The following PCDHGB1 variants were observed in gnomAD, a reference collection of about 807,000 sequenced individuals.
PCDHGB1 encodes protocadherin gamma-B1.
In PCDHGB1, 34 loss-of-function variants were observed where a neutral mutation model predicts 56.6. The observed-to-expected ratio is 0.60, with a 90% CI of 0.46 to 0.80. The LOEUF (loss-of-function observed/expected upper bound fraction) is 0.80. Among genes scored for constraint, PCDHGB1 ranks in the 30% least tolerant of loss-of-function variants. The pLI, the probability that PCDHGB1 is intolerant of heterozygous loss-of-function variation, is 0.00. For missense variants in PCDHGB1, 1,278 were observed against 1,204.6 expected, an observed-to-expected ratio of 1.06 and a Z score of -0.90; for synonymous variants, 561 against 505.9, an observed-to-expected ratio of 1.11 and a Z score of -1.46.
At chr5:141,438,136 A>C (rs2097931548) in intron 1 of PCDHGB1, among the ~76,000 whole-genome samples, 1 of 152,186 alleles carries the variant, frequency 6.6e-6, no homozygotes, top group Non-Finnish European at 1.5e-5. Flanking sequence ...TAATGGCAAA[A>C]GATAGCCAGC....
chr5:141,418,954 T>C (rs1490406390), intron 1 of PCDHGB1: 2 of 1,613,914 alleles, frequency 1.2e-6, no homozygotes, highest in Admixed American at 1.7e-5. Flanking sequence ...CAGGAGTGGT[T>C]GTTGCCCTCT....
intron 1 of PCDHGB1, chr5:141,418,954 T>G (rs1490406390): frequency 6.2e-7 from 1 of 1,613,914 alleles, no homozygotes; most frequent in East Asian, 2.2e-5. Flanking sequence ...CAGGAGTGGT[T>G]GTTGCCCTCT....
chr5:141,366,058 G>T, intron 1 of PCDHGB1: 1 of 1,614,242 alleles, frequency 6.2e-7, no homozygotes. Context: ...CGGGCGTGGA[G>T]CTGGCGCCTC....
At chr5:141,497,771 C>T (rs2099779314) in intron 2 of PCDHGB1, among the ~76,000 whole-genome samples, 1 of 152,154 alleles carries the variant, frequency 6.6e-6, no homozygotes, top group Non-Finnish European at 1.5e-5. Context: ...ACTCCCCGAC[C>T]TCAACTGATC....
At position 141,511,127 on chromosome 5, in the gene PCDHGB1, G is replaced by C; in HGVS notation, c.2738G>C (p.Gly913Ala). 1 of 1,614,194 alleles carries C rather than the reference G, an allele frequency of 6.2e-7. No individual in the cohort carries two copies. Among genetic ancestry groups the C allele is most frequent in the Non-Finnish European group, 8.5e-7 (1 of 1,180,018 alleles). The change falls in exon 4 of 4, where the codon GGT becomes GCT. Residue 913 changes from glycine to alanine, a missense_variant. Coordinates refer to ENST00000523390, the MANE Select transcript of PCDHGB1 (RefSeq NM_018922.3). ...AGKRDGKAPA[G>A]GNGNKKKSGK... ...AAGCGGGATGGCAAGGCCCCAGCAG[G>C]TGGCAATGGCAACAAGAAGAAGTCG...
In PCDHGB1 at chr5:141,491,996, G is replaced by T; in HGVS notation, c.2410-2811G>T. ...TCCTTCGAGCTTCCGGTGAATTTCG[G>T]GCGATTTCCGCGGGTGTCGGGGGTC... is the stretch of plus-strand genomic sequence containing the variant. On this transcript the variant is annotated intron_variant, in intron 1 of 3. Coordinates refer to ENST00000523390, the MANE Select transcript of PCDHGB1 (RefSeq NM_018922.3). This position sits in a 1 kb window ranked among gnomAD's most constrained non-coding sequence, Gnocchi z 6.9. The T allele has an allele frequency of 2.9e-6, 2 of 686,328 alleles. No individual in the cohort carries two copies. Among genetic ancestry groups the T allele is most frequent in the Non-Finnish European group, 4.5e-6 (2 of 441,080 alleles). 42.5% of individuals were successfully genotyped at this position (686,328 alleles called of 1,614,324 possible). A position where few individuals can be genotyped will look rare whatever the true frequency, so the allele number is the denominator to read the frequency against.
chr5:141,391,314 T>C (rs2092347404), intron 1 of PCDHGB1: 1 of 151,522 alleles, frequency 6.6e-6, no homozygotes, highest in Non-Finnish European at 1.5e-5. Flanking sequence ...TTCTTTTTTT[T>C]TTCTTTTTTT....
chr5:141,494,855 G>C lies in PCDHGB1; in HGVS notation c.2458G>C (p.Gly820Arg), dbSNP rs200418116. The C allele has an allele frequency of 6.2e-7, 1 of 1,614,092 alleles. No homozygotes were observed. Among genetic ancestry groups the C allele is most frequent in the South Asian group, 1.1e-5 (1 of 91,072 alleles). ...DWRFSQAQRP[G>R]TSGSQNGDDT... is the part of the protein sequence containing the mutation. ...GCGTTTCTCTCAGGCCCAGAGACCC[G>C]GCACCAGCGGGTAGGTGACTGATTC... The change falls in exon 2 of 4, where the codon GGC (glycine) becomes CGC (arginine). Residue 820 changes from glycine (G) to arginine (R), a missense_variant. Transcript: ENST00000523390.
chr5:141,425,794 G>A (rs915736198), intron 1 of PCDHGB1, among the ~76,000 whole-genome samples: 23 of 152,074 alleles, frequency 1.5e-4, no homozygotes, highest in Non-Finnish European at 2.2e-4. Context: ...CTTCCAATAT[G>A]TGCATTGCTT....
intron 1 of PCDHGB1, chr5:141,422,432 A>T: frequency 6.2e-7 from 1 of 1,609,448 alleles, no homozygotes; most frequent in South Asian, 1.1e-5. Context: ...TATGGAAATT[A>T]TTACAAATTG....
rs759270061 is a variant in PCDHGB1, at chr5:141,372,011, G to A, written c.2409+19342G>A. 4.3e-6 allele frequency: 7 copies of A among 1,613,294 alleles called. No homozygotes were observed. In the South Asian group the frequency reaches 6.6e-5, roughly 15 times the overall value. On this transcript the variant is annotated intron_variant, in intron 1 of 3. Transcript: ENST00000523390. Reference sequence around the variant, plus strand: ...CTCTGCAGGCCCGCGACCAGGGCTCGCCTACGCTCAGCGCCAACGTGAGCC... The same window carrying A: ...CTCTGCAGGCCCGCGACCAGGGCTCACCTACGCTCAGCGCCAACGTGAGCC...
intron 1 of PCDHGB1, among the ~76,000 whole-genome samples, chr5:141,457,155 A>G (rs1403164805): frequency 1.3e-5 from 2 of 152,216 alleles, no homozygotes; most frequent in Admixed American, 6.5e-5. Flanking sequence ...AGAAGGTGCT[A>G]CCATGGATAA....
At chr5:141,423,148 C>G (rs2096714622) in intron 1 of PCDHGB1, 1 of 1,613,404 alleles carries the variant, frequency 6.2e-7, no homozygotes, top group African/African-American at 1.3e-5. Flanking sequence ...CGCGCTCAAG[C>G]AGAGCCTCGT....
rs2095830931 is a variant in PCDHGB1 at position 141,415,116 on chromosome 5, A to G, written c.2409+62447A>G. 3 of 1,613,652 alleles carry G rather than the reference A, an allele frequency of 1.9e-6. No individual in the cohort carries two copies. The East Asian group carries it at 6.7e-5, about 36-fold the overall frequency. On this transcript the variant is annotated intron_variant, in intron 1 of 3. Transcript: ENST00000523390. The stretch of plus-strand genomic sequence containing the variant: ...GAGACGCGCTCAAGCAAAGCCTCGT[A>G]GTGGCCGTCCAGGACCACGGCCAGC...
intron 1 of PCDHGB1, chr5:141,360,857 T>A (rs765284863): frequency 5.6e-6 from 9 of 1,613,894 alleles, no homozygotes; most frequent in Non-Finnish European, 7.6e-6. Context: ...AACCCTCCAG[T>A]GTTCAGCCAG....
rs542113846 is a variant in PCDHGB1 at position 141,433,037 on chromosome 5, A to G, written c.2410-61770A>G. ...GACCTATTCCCACGAGGTTTCCCTCACCACGGACTCGCGGAAGAGTCACCT... is the reference window on the plus strand; with the variant it reads ...GACCTATTCCCACGAGGTTTCCCTCGCCACGGACTCGCGGAAGAGTCACCT... On this transcript the variant is annotated intron_variant, in intron 1 of 3. Coordinates refer to ENST00000523390, the MANE Select transcript of PCDHGB1 (RefSeq NM_018922.3). 249 of 1,614,172 alleles carry G rather than the reference A, an allele frequency of 1.5e-4. 6 individuals are homozygous for G. The South Asian group carries it at 2.5e-3, about 16-fold the overall frequency.
chr5:141,510,420 G>A (rs1275392355), intron 3 of PCDHGB1, among the ~76,000 whole-genome samples: 2 of 152,126 alleles, frequency 1.3e-5, no homozygotes, highest in Non-Finnish European at 2.9e-5. Flanking sequence ...TAAAGCCATG[G>A]TTTCATGGCT....
chr5:141,409,912 C>A (rs775668669), intron 1 of PCDHGB1: 2 of 1,613,180 alleles, frequency 1.2e-6, no homozygotes, highest in African/African-American at 2.7e-5. Flanking sequence ...TGGGTCCTGA[C>A]GGCTCCGCGT....
At chr5:141,459,375 C>T (rs973503237) in intron 1 of PCDHGB1, among the ~76,000 whole-genome samples, 2 of 152,194 alleles carry the variant, frequency 1.3e-5, no homozygotes, top group African/African-American at 4.8e-5. Flanking sequence ...GTATCAGCAG[C>T]GTGTTCCATT....
Sources: gnomAD v4.1 joint callset for allele counts (sites outside exome capture counted in the v4.1 genomes callset) on GRCh38, gnomAD v4.1.1 for gene constraint, Gnocchi (gnomAD v3.1) non-coding constraint, MANE v1.5 for transcripts, NCBI Gene and HGNC (gene_info 2026-07-23, HGNC 2026-07-21) for gene names.